The following PIGT variants were observed in gnomAD, a reference collection of about 807,000 sequenced individuals.
PIGT encodes phosphatidylinositol glycan anchor biosynthesis class T.
Under a neutral mutation model 66.7 loss-of-function variants are expected in PIGT, and 57 were observed. The observed-to-expected ratio is 0.86, with a 90% CI of 0.69 to 1.07. The LOEUF (loss-of-function observed/expected upper bound fraction) is 1.07. Among genes scored for constraint, PIGT ranks in the 50% least tolerant of loss-of-function variants. The pLI is 0.00. For missense variants in PIGT, 725 were observed against 740.4 expected (o/e 0.98, Z 0.24); for synonymous variants, 362 against 320.5 (o/e 1.13, Z -1.38).
chr20:45,419,001 T>C (rs946117920), intron 3 of PIGT, 22 bp downstream of exon 3: 2 of 1,613,872 alleles, frequency 1.2e-6, no homozygotes, highest in Middle Eastern at 1.7e-4. Flanking sequence ...CCTACAGCCC[T>C]TTCCTTCTTC....
chr20:45,416,525 T>G lies in PIGT; in HGVS notation c.196T>G (p.Tyr66Asp). ...SELQREGVSH[Y>D]RLFPKALGQL... ...TGCTCCCGTTTCCCCAGTGTCCCAT[T>G]ACAGGCTCTTTCCCAAAGCCCTGGG... The change falls in exon 2 of 12, where the codon TAC becomes GAC. Residue 66 changes from tyrosine to aspartate, a missense_variant. Tyr to Asp is a radical substitution (Grantham distance 160). Coordinates refer to ENST00000279036, the MANE Select transcript of PIGT (RefSeq NM_015937.6). 13 of 1,614,068 alleles carry G rather than the reference T, an allele frequency of 8.1e-6. No homozygotes were observed. The highest frequency in any genetic ancestry group is 1.1e-5 in the Non-Finnish European group (13 of 1,179,962).
chr20:45,421,352 A>G (rs755215919), intron 8 of PIGT, 31 bp from the exon 9 acceptor site: 11 of 1,586,598 alleles, frequency 6.9e-6, no homozygotes, highest in Non-Finnish European at 8.6e-6. Context: ...TACCTTTGGC[A>G]GCTGTTAACT....
chr20:45,420,414 C>T lies in PIGT; in HGVS notation c.852C>T (p.Ile284=). Residue 284 remains isoleucine, a synonymous_variant, in exon 7 of 12, where the codon ATC becomes ATT. Coordinates refer to ENST00000279036, the MANE Select transcript of PIGT (RefSeq NM_015937.6). ...CAGAGAGCCGAGTCTATGTGGACATCACCACCTACAACCAGGTAACAAGGT... is the reference window on the plus strand; with the variant it reads ...CAGAGAGCCGAGTCTATGTGGACATTACCACCTACAACCAGGTAACAAGGT... ...LASESRVYVD[I]TTYNQDNETL... The T allele has an allele frequency of 6.2e-7, 1 of 1,613,378 alleles. No individual in the cohort carries two copies. Among genetic ancestry groups the T allele is most frequent in the South Asian group, 1.1e-5 (1 of 91,018 alleles).
In PIGT at chr20:45,419,346, G is replaced by A. The variant is rs763454491; in HGVS notation, c.545G>A (p.Cys182Tyr). 7 of 1,614,008 alleles carry A rather than the reference G, an allele frequency of 4.3e-6. No individual in the cohort carries two copies. In the African/African-American group the frequency reaches 9.3e-5, roughly 22 times the overall value. Residue 182 changes from cysteine to tyrosine, a missense_variant, in exon 4 of 12, where the codon TGC becomes TAC. Physicochemically the swap from Cys to Tyr is radical, Grantham distance 194. Coordinates refer to ENST00000279036, the MANE Select transcript of PIGT (RefSeq NM_015937.6). ...GCTGTGCTGCCGCGGGAGGTGGTCT[G>A]CACCGAAAACCTCACCCCCTGGAAG... is the stretch of plus-strand genomic sequence containing the variant. Reference protein sequence around the residue: ...RYAVLPREVVCTENLTPWKKL... With the variant: ...RYAVLPREVVYTENLTPWKKL...
chr20:45,416,546 C>G lies in PIGT; in HGVS notation c.217C>G (p.Leu73Val). Reference sequence around the variant, plus strand: ...CCATTACAGGCTCTTTCCCAAAGCCCTGGGGCAGCTGATCTCCAAGTATTC... The same window carrying G: ...CCATTACAGGCTCTTTCCCAAAGCCGTGGGGCAGCTGATCTCCAAGTATTC... ...VSHYRLFPKA[L>V]GQLISKYSLR... Residue 73 changes from leucine to valine, a missense_variant, in exon 2 of 12, where the codon CTG (leucine) becomes GTG (valine). Physicochemically the swap from Leu to Val is conservative, Grantham distance 32. This residue lies in a region of PIGT where 559 missense variants were observed against 552.7 expected (regional missense o/e 1.01). Transcript: ENST00000279036. 6.2e-7 allele frequency: 1 copy of G among 1,614,196 alleles called. No homozygotes were observed. The highest frequency in any genetic ancestry group is 1.1e-5 in the South Asian group (1 of 91,072).
chr20:45,422,804 G>C (rs4810449), intron 9 of PIGT: 2 of 152,054 alleles, frequency 1.3e-5, no homozygotes, highest in African/African-American at 4.8e-5. Context: ...AAATGTAACC[G>C]TATCATTACC....
chr20:45,421,280 C>CT (rs1990346545), intron 8 of PIGT, 103 bp from the exon 9 acceptor site: 8 of 968,246 alleles, frequency 8.3e-6, no homozygotes, highest in Admixed American at 7.6e-5. Context: ...GGCTGTTCCC[C>CT]ATCTACTCAC....
At chr20:45,425,241 C>A in intron 11 of PIGT, 2 of 143,898 alleles carry the variant, frequency 1.4e-5, no homozygotes. Context: ...TTTTATTTTA[C>A]TTTAAGTTCT....
Position 45,426,081 on chromosome 20 carries a change from G to A in PIGT, c.*255G>A, listed in dbSNP as rs1426914021. The A allele has an allele frequency of 7.2e-6, 4 of 556,324 alleles. No homozygotes were observed. The African/African-American group carries it at 7.5e-5, about 10-fold the overall frequency. 34.5% of individuals were successfully genotyped at this position (556,324 alleles called of 1,614,324 possible). A position where few individuals can be genotyped will look rare whatever the true frequency, so the allele number is the denominator to read the frequency against. ...TTGAGGTGCTCAATAAGCAAAAGTG[G>A]TCGGTGGCTGCTGTATTGGACAGCA... is the stretch of plus-strand genomic sequence containing the variant. On this transcript the variant is annotated 3_prime_UTR_variant, in exon 12 of 12. Coordinates refer to ENST00000279036, the MANE Select transcript of PIGT (RefSeq NM_015937.6).
At position 45,425,645 on chromosome 20, in the gene PIGT, C is replaced by A. The variant is rs1432452000; in HGVS notation, c.1556C>A (p.Thr519Lys). 2 of 1,614,124 alleles carry A rather than the reference C, an allele frequency of 1.2e-6. No homozygotes were observed. Among genetic ancestry groups the A allele is most frequent in the Admixed American group, 3.3e-5 (2 of 60,032 alleles). ...YTEPLLVNLP[T>K]PDFSMPYNVI... ...GAGCCGCTGCTGGTGAACCTGCCGA[C>A]ACCGGACTTCAGCATGCCCTACAAC... The change falls in exon 12 of 12, where the codon ACA (threonine) becomes AAA (lysine). Residue 519 changes from threonine (T) to lysine (K), a missense_variant. Coordinates refer to ENST00000279036, the MANE Select transcript of PIGT (RefSeq NM_015937.6).
chr20:45,424,546 T>A lies in PIGT; in HGVS notation c.1451T>A (p.Val484Glu). 1.2e-6 allele frequency: 2 copies of A among 1,614,190 alleles called. No homozygotes were observed. The highest frequency in any genetic ancestry group is 1.7e-6 in the Non-Finnish European group (2 of 1,180,012). ...CCCAGCATGGTAGCAGCCAAGCCAGTGGACTGGGAAGAGAGTCCCCTCTTC... is the reference window on the plus strand; with the variant it reads ...CCCAGCATGGTAGCAGCCAAGCCAGAGGACTGGGAAGAGAGTCCCCTCTTC... Reference protein sequence around the residue: ...LVPSMVAAKPVDWEESPLFNS... With the variant: ...LVPSMVAAKPEDWEESPLFNS... The change falls in exon 11 of 12, where the codon GTG (valine) becomes GAG (glutamate). Residue 484 changes from valine (V) to glutamate (E), a missense_variant. Physicochemically the swap from Val to Glu is moderately radical, Grantham distance 121. Transcript: ENST00000279036.
At chr20:45,419,741 C>T (rs1358285944) in intron 5 of PIGT, 151 bp downstream of exon 5, 1 of 662,598 alleles carries the variant, frequency 1.5e-6, no homozygotes, top group Non-Finnish European at 2.7e-6. Flanking sequence ...ACCAAGAAAA[C>T]AGTGGTTGCC....
intron 11 of PIGT, 116 bp downstream of exon 11, chr20:45,424,695 G>T: frequency 1.4e-6 from 1 of 723,188 alleles, no homozygotes; most frequent in Non-Finnish European, 2.5e-6. Flanking sequence ...CCAAAGAGAT[G>T]TGTAGATTTA....
chr20:45,419,299 T>G lies in PIGT; in HGVS notation c.498T>G (p.Thr166=). 1.9e-6 allele frequency: 3 copies of G among 1,613,700 alleles called. No individual in the cohort carries two copies. Among genetic ancestry groups the G allele is most frequent in the Non-Finnish European group, 2.5e-6 (3 of 1,179,644 alleles). Residue 166 remains threonine (T), a synonymous_variant, in exon 4 of 12, where the codon ACT becomes ACG. Transcript: ENST00000279036. ...SFKPLGLAND[T]DHYFLRYAVL... is the part of the protein sequence containing the mutation. ...ACAGACCTCTGTCTCCCTCAGACACTGACCACTACTTTCTGCGCTATGCTG... is the reference window on the plus strand; with the variant it reads ...ACAGACCTCTGTCTCCCTCAGACACGGACCACTACTTTCTGCGCTATGCTG...
chr20:45,419,122 C>T, intron 3 of PIGT, 143 bp downstream of exon 3: 1 of 1,141,354 alleles, frequency 8.8e-7, no homozygotes, highest in Non-Finnish European at 1.3e-6. Flanking sequence ...ACTGTGCCAT[C>T]TCTGCATGCC....
At chr20:45,422,419 A>G (rs764100009) in intron 9 of PIGT, 3 of 151,472 alleles carry the variant, frequency 2.0e-5, no homozygotes, top group Non-Finnish European at 2.9e-5. Context: ...AGAATAGTGT[A>G]ATAATCCCCT....
rs1568950918 is a variant in PIGT, at chr20:45,421,567, C to T, written c.1218C>T (p.Gly406=). 1 of 1,614,100 alleles carries T rather than the reference C, an allele frequency of 6.2e-7. No individual in the cohort carries two copies. Among genetic ancestry groups the T allele is most frequent in the Non-Finnish European group, 8.5e-7 (1 of 1,179,986 alleles). The change falls in exon 9 of 12, where the codon GGC becomes GGT. Residue 406 remains glycine, a synonymous_variant. Transcript: ENST00000279036. ...YVHTLTITSK[G]KENKPSYIHY... is the part of the protein sequence containing the mutation. ...ACACCCTCACCATCACCTCCAAGGG[C>T]AAGGAGAACAAACCAAGTGAGGACC...
chr20:45,421,603 A>G lies in PIGT; in HGVS notation c.1234+20A>G, dbSNP rs1990370614. On this transcript the variant is annotated intron_variant, in intron 9 of 11. Coordinates refer to ENST00000279036, the MANE Select transcript of PIGT (RefSeq NM_015937.6). ...AACCAAGTGAGGACCTGAGTCCTGAACCAGGCCCCCAGCCCGCCCTCTCAT... is the reference window on the plus strand; with the variant it reads ...AACCAAGTGAGGACCTGAGTCCTGAGCCAGGCCCCCAGCCCGCCCTCTCAT... 1.2e-6 allele frequency: 2 copies of G among 1,608,410 alleles called. No homozygotes were observed. Among genetic ancestry groups the G allele is most frequent in the Middle Eastern group, 3.3e-4 (2 of 6,044 alleles).
intron 2 of PIGT, 156 bp from the exon 3 acceptor site, chr20:45,418,696 G>A: frequency 1.2e-6 from 1 of 847,304 alleles, no homozygotes; most frequent in Non-Finnish European, 1.9e-6. Flanking sequence ...CAAGTGGGCT[G>A]GCTGGGGGCA....
Sources: allele counts gnomAD v4.1 joint callset, GRCh38; gene constraint gnomAD v4.1.1; regional missense constraint gnomAD v4.1.1; transcripts MANE v1.5; gene names NCBI Gene and HGNC (gene_info 2026-07-23, HGNC 2026-07-21).